The following MORC3 variants were observed in gnomAD, a reference collection of about 807,000 sequenced individuals.
MORC3 encodes the protein MORC family CW-type zinc finger 3.
A neutral mutation model predicts 109.1 loss-of-function variants in MORC3; 31 were observed. The observed-to-expected ratio is 0.28, with a 90% confidence interval of 0.21 to 0.38. The LOEUF is 0.38. MORC3 is among the 10% of genes least tolerant of loss of function. MORC3 has a pLI of 1.00. For synonymous variants in MORC3, 395 were observed against 380.7 expected, an observed-to-expected ratio of 1.04 and a Z score of -0.44; for missense variants, 867 against 1,135.8, an observed-to-expected ratio of 0.76 and a Z score of 3.40.
At chr21:36,349,692 G>A (rs542873342) in intron 9 of MORC3, among the ~76,000 whole-genome samples, 1 of 152,340 alleles carries the variant, frequency 6.6e-6, no homozygotes, top group Non-Finnish European at 1.5e-5. Flanking sequence ...TTTAGCTTAA[G>A]AGAAGTTATG....
intron 1 of MORC3, among the ~76,000 whole-genome samples, chr21:36,329,449 A>G (rs945592692): frequency 3.3e-5 from 5 of 152,176 alleles, no homozygotes; most frequent in East Asian, 1.9e-4. Flanking sequence ...ATTATAGCAC[A>G]TTATCAAACA....
At position 36,337,948 on chromosome 21, in the gene MORC3, T is replaced by C. The variant is rs1314156457; in HGVS notation, c.460+2T>C. On this transcript the variant is annotated splice_donor_variant, in intron 4 of 16. Transcript: ENST00000400485. LOFTEE classifies it high-confidence loss of function. Reference sequence around the variant, plus strand: ...CAATAGTGGCATTCAACAAGCACCATATCCTTTTGGTTGTGAAATAAAAGC... The same window carrying C: ...CAATAGTGGCATTCAACAAGCACCACATCCTTTTGGTTGTGAAATAAAAGC... 1 of 1,612,582 alleles carries C rather than the reference T, an allele frequency of 6.2e-7. No individual in the cohort carries two copies. The highest frequency in any genetic ancestry group is 1.7e-5 in the Admixed American group (1 of 59,682).
chr21:36,359,663 C>T lies in MORC3; in HGVS notation c.1209-292C>T, dbSNP rs532634160. ...CTGCCTCCTGGGCTCAAGCAATCCT[C>T]CCACCTCAGCCTCCCAAGTAGCAGG... is the stretch of plus-strand genomic sequence containing the variant. On this transcript the variant is annotated intron_variant, in intron 10 of 16. Transcript: ENST00000400485. 4.0e-5 allele frequency among the ~76,000 whole-genome samples: 6 copies of T among 149,846 alleles called. No individual in the cohort carries two copies. In the East Asian group the frequency reaches 1.2e-3, roughly 30 times the overall value.
intron 10 of MORC3, 149 bp from the exon 11 acceptor site, chr21:36,359,806 C>T (rs1475007083): frequency 8.9e-7 from 1 of 1,124,874 alleles, no homozygotes; most frequent in Non-Finnish European, 1.3e-6. Context: ...TGAGCCGTCG[C>T]ACCCAGCCTA....
intron 15 of MORC3, 97 bp from the exon 16 acceptor site, chr21:36,372,277 T>A: frequency 4.7e-6 from 5 of 1,062,558 alleles, no homozygotes; most frequent in Non-Finnish European, 6.5e-6. Context: ...TAGTTGATAA[T>A]GTTATCAAGC....
At chr21:36,359,271 G>A (rs1230604199) in intron 10 of MORC3, among the ~76,000 whole-genome samples, 2 of 152,052 alleles carry the variant, frequency 1.3e-5, no homozygotes, top group African/African-American at 4.8e-5. Context: ...ATTGGCTTGT[G>A]ACTTTTAATC....
At chr21:36,334,729 G>A (rs1314688426) in intron 2 of MORC3, among the ~76,000 whole-genome samples, 1 of 152,186 alleles carries the variant, frequency 6.6e-6, no homozygotes, top group African/African-American at 2.4e-5. Context: ...TAAATGGGAA[G>A]TTTAAGGTTT....
chr21:36,352,500 T>C (rs538741689), intron 9 of MORC3, among the ~76,000 whole-genome samples: 1 of 152,324 alleles, frequency 6.6e-6, no homozygotes, highest in South Asian at 2.1e-4. Flanking sequence ...TGGATTTTTT[T>C]GTATTTTGGA....
intron 6 of MORC3, among the ~76,000 whole-genome samples, chr21:36,343,217 T>G (rs1384964680): frequency 6.6e-6 from 1 of 150,964 alleles, no homozygotes; most frequent in East Asian, 2.0e-4. Flanking sequence ...TGCCACAGCC[T>G]CCCAACTAGC....
chr21:36,341,665 C>CT (rs2085447898), intron 6 of MORC3, 119 bp downstream of exon 6: 10 of 1,379,608 alleles, frequency 7.2e-6, no homozygotes, highest in Non-Finnish European at 1.0e-5. Context: ...ATGAAAGTAT[C>CT]TCAGACATGA....
intron 8 of MORC3, among the ~76,000 whole-genome samples, chr21:36,345,783 C>T (rs548709188): frequency 1.6e-4 from 25 of 152,180 alleles, no homozygotes; most frequent in African/African-American, 5.8e-4. Context: ...TCCCAAACTC[C>T]TGACCTCAGG....
At chr21:36,324,278 G>GTTT (rs56818491) in intron 1 of MORC3, among the ~76,000 whole-genome samples, 3,568 of 143,276 alleles carry the variant, frequency 0.025, 64 homozygotes, top group Admixed American at 0.045. Context: ...ATTAACTGTA[G>GTTT]TTTTTTTTTT....
At chr21:36,339,443 C>T (rs1288216641) in intron 5 of MORC3, 1 of 146,462 alleles carries the variant, frequency 6.8e-6, no homozygotes, top group Non-Finnish European at 1.5e-5. Flanking sequence ...TTTTCTATCC[C>T]TGCCATTCAG....
At chr21:36,354,921 C>T (rs933272853) in intron 9 of MORC3, among the ~76,000 whole-genome samples, 2 of 152,052 alleles carry the variant, frequency 1.3e-5, no homozygotes, top group Non-Finnish European at 2.9e-5. Flanking sequence ...ACTTTTTGCC[C>T]TCTACCTTTT....
chr21:36,353,565 AC>A (rs939627002), intron 9 of MORC3, among the ~76,000 whole-genome samples: 1 of 150,850 alleles, frequency 6.6e-6, no homozygotes, highest in African/African-American at 2.4e-5. Context: ...ACATGGTGAA[AC>A]CCCATCTCTA....
chr21:36,362,355 C>T, intron 13 of MORC3, 127 bp downstream of exon 13: 1 of 1,019,132 alleles, frequency 9.8e-7, no homozygotes, highest in Non-Finnish European at 1.4e-6. Flanking sequence ...CCAGCCTGGC[C>T]AACATGGTGA....
At chr21:36,335,310 ATTTTTTTTT>A (rs144473276) in intron 2 of MORC3, among the ~76,000 whole-genome samples, 1 of 116,718 alleles carries the variant, frequency 8.6e-6, no homozygotes, top group Non-Finnish European at 1.7e-5. Context: ...AAAAGAAGGA[ATTTTTTTTT>A]TTTTTTTTTT....
At chr21:36,364,525 T>C (rs1357552704) in intron 14 of MORC3, among the ~76,000 whole-genome samples, 2 of 151,080 alleles carry the variant, frequency 1.3e-5, no homozygotes, top group African/African-American at 4.9e-5. Context: ...CTACTACAAA[T>C]ACAAAAAAAT....
chr21:36,362,132 T>C, intron 12 of MORC3, 51 bp from the exon 13 acceptor site: 1 of 1,586,202 alleles, frequency 6.3e-7, no homozygotes, highest in South Asian at 1.1e-5. Context: ...GGTATGTCAT[T>C]GGGAAATGGG....
Sources: gnomAD v4.1 joint callset for allele counts (sites outside exome capture counted in the v4.1 genomes callset) on GRCh38, gnomAD v4.1.1 for gene constraint, MANE v1.5 for transcripts, NCBI Gene and HGNC (gene_info 2026-07-23, HGNC 2026-07-21) for gene names.